The following UGT2A1 variants were observed in gnomAD, a reference collection of about 807,000 sequenced individuals.
UGT2A1 encodes the protein UDP-glucuronosyltransferase 2A1.
Under a neutral mutation model 45.4 loss-of-function variants are expected in UGT2A1, and 61 were observed. The observed-to-expected ratio is 1.34, with a 90% CI of 1.09 to 1.66. UGT2A1 has a LOEUF of 1.66. Ranked by LOEUF, UGT2A1 falls within the 40% of genes most tolerant of loss-of-function variation. The pLI, the probability that UGT2A1 is intolerant of heterozygous loss-of-function variation, is 0.00. For synonymous variants in UGT2A1, 229 were observed against 196.2 expected, an observed-to-expected ratio of 1.17 and a Z score of -1.40; for missense variants, 649 against 574.3, an observed-to-expected ratio of 1.13 and a Z score of -1.33.
chr4:69,623,415 A>T (rs1720866921), intron 3 of UGT2A1, among the ~76,000 whole-genome samples: 1 of 151,786 alleles, frequency 6.6e-6, no homozygotes, highest in Non-Finnish European at 1.5e-5. Context: ...CAGTGGATAA[A>T]ATGGGATAGG....
chr4:69,602,753 G>A (rs1034885691), intron 3 of UGT2A1, among the ~76,000 whole-genome samples: 1 of 137,096 alleles, frequency 7.3e-6, no homozygotes, highest in Non-Finnish European at 1.6e-5. Context: ...CAATAGAAAA[G>A]TAAATAGAGC....
intron 3 of UGT2A1, among the ~76,000 whole-genome samples, chr4:69,609,869 T>C (rs1170951655): frequency 1.3e-5 from 2 of 152,168 alleles, no homozygotes; most frequent in East Asian, 3.9e-4. Context: ...AAAACTGTCA[T>C]AGAACTTGGG....
rs745682433 is a variant in UGT2A1 at position 69,647,420 on chromosome 4, C to T, written c.225G>A (p.Lys75=). The T allele has an allele frequency of 1.2e-6, 2 of 1,612,736 alleles. No individual in the cohort carries two copies. Among genetic ancestry groups the T allele is most frequent in the Non-Finnish European group, 1.7e-6 (2 of 1,179,334 alleles). ...SNPSLTFEIY[K]VPFGKERIEG... Reference sequence around the variant, plus strand: ...CTATTCTTTCTTTGCCAAAGGGCACCTTATATATTTCAAATGTCAGAGATG... The same window carrying T: ...CTATTCTTTCTTTGCCAAAGGGCACTTTATATATTTCAAATGTCAGAGATG... The change falls in exon 2 of 7, where the codon AAG becomes AAA. Residue 75 remains lysine, a synonymous_variant. Transcript: ENST00000286604.
intron 3 of UGT2A1, among the ~76,000 whole-genome samples, chr4:69,625,654 C>A (rs151322398): frequency 4.6e-5 from 7 of 150,822 alleles, no homozygotes; most frequent in African/African-American, 1.5e-4. Flanking sequence ...CTTTTATGTT[C>A]TTTTGGCCAT....
intron 3 of UGT2A1, chr4:69,603,552 A>T (rs1293919280): frequency 7.3e-6 from 1 of 137,176 alleles, no homozygotes; most frequent in Non-Finnish European, 1.6e-5. Flanking sequence ...ACGCAACAGA[A>T]CAAAACTGGA....
At position 69,622,079 on chromosome 4, in the gene UGT2A1, T is replaced by C. The variant is rs1336882247; in HGVS notation, c.847+13612A>G. On this transcript the variant is annotated intron_variant, in intron 3 of 6. Coordinates refer to ENST00000286604, the MANE Select transcript of UGT2A1 (RefSeq NM_001252275.3). ...AGTACTAGGCTTAATACCTGGGTCA[T>C]GGAATAGTCAGTACAACCAACCCCT... 4.6e-5 allele frequency among the ~76,000 whole-genome samples: 7 copies of C among 151,912 alleles called. No individual in the cohort carries two copies. In the South Asian group the frequency reaches 8.3e-4, roughly 18 times the overall value.
chr4:69,624,640 G>C (rs770936102), intron 3 of UGT2A1, among the ~76,000 whole-genome samples: 1 of 148,910 alleles, frequency 6.7e-6, no homozygotes, highest in Non-Finnish European at 1.5e-5. Context: ...TACCTTTGTT[G>C]TGGTTGTGTG....
intron 3 of UGT2A1, among the ~76,000 whole-genome samples, chr4:69,610,140 A>G (rs1719949837): frequency 6.6e-6 from 1 of 152,150 alleles, no homozygotes; most frequent in Admixed American, 6.6e-5. Flanking sequence ...TATAGTTTCT[A>G]AAAGTGGAAA....
chr4:69,650,988 C>G (rs1193666247), intron 1 of UGT2A1, among the ~76,000 whole-genome samples: 1 of 152,120 alleles, frequency 6.6e-6, no homozygotes, highest in East Asian at 1.9e-4. Flanking sequence ...CACTAATGAA[C>G]TTTAGTGTTT....
At chr4:69,604,716 A>T (rs1178269570) in intron 3 of UGT2A1, among the ~76,000 whole-genome samples, 1 of 136,784 alleles carries the variant, frequency 7.3e-6, no homozygotes, top group Non-Finnish European at 1.6e-5. Context: ...AAATAAAGTG[A>T]TGGAGGAAGA....
At chr4:69,599,015 A>T (rs1241478057) in intron 4 of UGT2A1, among the ~76,000 whole-genome samples, 1 of 152,098 alleles carries the variant, frequency 6.6e-6, no homozygotes, top group Non-Finnish European at 1.5e-5. Flanking sequence ...AGACACACTG[A>T]TATTTGTAAC....
chr4:69,596,517 A>C, intron 4 of UGT2A1: 1 of 1,254,840 alleles, frequency 8.0e-7, no homozygotes, highest in Non-Finnish European at 1.0e-6. Context: ...GACATGTAGA[A>C]AGATCTAGTT....
chr4:69,652,442 C>T (rs900392490), intron 1 of UGT2A1, among the ~76,000 whole-genome samples: 3 of 151,872 alleles, frequency 2.0e-5, no homozygotes, highest in African/African-American at 7.3e-5. Flanking sequence ...CACCACCACA[C>T]CTGTCTAATT....
At chr4:69,599,671 G>T in intron 3 of UGT2A1, 4 of 300,584 alleles carry the variant, frequency 1.3e-5, no homozygotes, top group East Asian at 6.4e-5. Flanking sequence ...TGAGAAAAAG[G>T]GAAGAAAGAG....
intron 3 of UGT2A1, among the ~76,000 whole-genome samples, chr4:69,606,487 G>T (rs1719626176): frequency 7.3e-6 from 1 of 136,228 alleles, no homozygotes; most frequent in Non-Finnish European, 1.6e-5. Context: ...ACAAAAACTG[G>T]AAGTATTCCC....
At chr4:69,619,980 T>C (rs1016732499) in intron 3 of UGT2A1, among the ~76,000 whole-genome samples, 2 of 151,922 alleles carry the variant, frequency 1.3e-5, no homozygotes, top group African/African-American at 4.8e-5. Context: ...TGAAGAAACA[T>C]ACCTCAAAAT....
intron 1 of UGT2A1, 84 bp downstream of exon 1, chr4:69,653,104 T>C (rs1249772063): frequency 6.6e-6 from 1 of 152,150 alleles, no homozygotes; most frequent in African/African-American, 2.4e-5. Flanking sequence ...GTTTTAAAGA[T>C]TGATATTTCT....
intron 6 of UGT2A1, among the ~76,000 whole-genome samples, chr4:69,594,176 G>A (rs570837875): frequency 8.6e-5 from 13 of 151,658 alleles, no homozygotes; most frequent in South Asian, 4.2e-4. Flanking sequence ...GGGTTTCACC[G>A]TGTTAGCCAG....
chr4:69,606,127 G>A (rs532754404), intron 3 of UGT2A1, among the ~76,000 whole-genome samples: 2 of 135,516 alleles, frequency 1.5e-5, no homozygotes, highest in South Asian at 2.4e-4. Flanking sequence ...CAAAAAAAGA[G>A]AATTTTAGAC....
Sources: gnomAD v4.1 joint callset for allele counts (sites outside exome capture counted in the v4.1 genomes callset) on GRCh38, gnomAD v4.1.1 for gene constraint, MANE v1.5 for transcripts, NCBI Gene and HGNC (gene_info 2026-07-23, HGNC 2026-07-21) for gene names.